Variants in USH2A observed in about 807,000 individuals in gnomAD.
USH2A encodes the protein Usher syndrome 2A (autosomal recessive, mild).
A neutral mutation model predicts 538.9 loss-of-function variants in USH2A; 443 were observed. The ratio of observed to expected loss-of-function variants is 0.82; its 90% CI spans 0.76 to 0.89. The LOEUF (loss-of-function observed/expected upper bound fraction) is 0.89. USH2A is among the 40% of genes least tolerant of loss of function. The probability of loss-of-function intolerance (pLI) is 0.00; values close to 1 mark genes in which losing one functional copy is unlikely to be tolerated. For missense variants in USH2A, 6,633 were observed against 6,324.8 expected (o/e 1.05, Z -1.65); for synonymous variants, 2,413 against 2,273.5 (o/e 1.06, Z -1.75).
intron 13 of USH2A, among the ~76,000 whole-genome samples, chr1:216,233,886 A>G (rs1181825418): frequency 6.6e-6 from 1 of 152,156 alleles, no homozygotes; most frequent in Non-Finnish European, 1.5e-5. Flanking sequence ...GTGTACATAT[A>G]CATATACACA....
chr1:216,166,286 A>C lies in USH2A; in HGVS notation c.4627+8966T>G, dbSNP rs76180807. On this transcript the variant is annotated intron_variant, in intron 21 of 71. Transcript: ENST00000307340. ...GGCAAAGGTATCAATATGTTCAAAGAGATGGGCATCTGAGAGAGTGTGCTA... is the reference window on the plus strand; with the variant it reads ...GGCAAAGGTATCAATATGTTCAAAGCGATGGGCATCTGAGAGAGTGTGCTA... 9.2e-3 allele frequency among the ~76,000 whole-genome samples: 1,393 copies of C among 152,212 alleles called. 23 individuals are homozygous for C. The highest frequency in any genetic ancestry group is 0.03 in the African/African-American group (1,247 of 41,534).
chr1:215,979,310 G>A (rs1445485818), intron 35 of USH2A, among the ~76,000 whole-genome samples: 1 of 152,006 alleles, frequency 6.6e-6, no homozygotes, highest in Admixed American at 6.6e-5. Context: ...ATTTGGGTGG[G>A]GACACAGAGC....
chr1:215,887,102 C>G (rs2102458799), intron 41 of USH2A, among the ~76,000 whole-genome samples: 1 of 152,294 alleles, frequency 6.6e-6, no homozygotes, highest in Non-Finnish European at 1.5e-5. Flanking sequence ...CATGATCTGC[C>G]TGCCTCGGCC....
chr1:215,898,013 T>A (rs1665395474), intron 40 of USH2A, among the ~76,000 whole-genome samples: 1 of 152,156 alleles, frequency 6.6e-6, no homozygotes, highest in African/African-American at 2.4e-5. Flanking sequence ...AGAGATGGCA[T>A]CCATCTCCAC....
chr1:215,660,328 C>A (rs865880413), intron 64 of USH2A, among the ~76,000 whole-genome samples: 2 of 151,988 alleles, frequency 1.3e-5, no homozygotes, highest in Non-Finnish European at 1.5e-5. Context: ...ACACAGCAAA[C>A]CCTAAATAAA....
chr1:216,254,899 C>T (rs750328475), intron 11 of USH2A, among the ~76,000 whole-genome samples: 23 of 152,140 alleles, frequency 1.5e-4, no homozygotes, highest in East Asian at 5.8e-4. Flanking sequence ...AAACAGCAAA[C>T]GTTAATAGAT....
intron 58 of USH2A, among the ~76,000 whole-genome samples, chr1:215,747,599 G>T (rs554166720): frequency 6.6e-6 from 1 of 152,156 alleles, no homozygotes; most frequent in Non-Finnish European, 1.5e-5. Context: ...AATATAATCA[G>T]GTTTCTTCTT....
intron 4 of USH2A, among the ~76,000 whole-genome samples, chr1:216,336,065 A>G (rs1017347214): frequency 6.6e-6 from 1 of 151,560 alleles, no homozygotes; most frequent in African/African-American, 2.4e-5. Context: ...AAAGGATCAT[A>G]CATCATGAGC....
chr1:215,747,886 G>A (rs61828198), intron 58 of USH2A, among the ~76,000 whole-genome samples: 10 of 94,114 alleles, frequency 1.1e-4, no homozygotes, highest in African/African-American at 3.9e-4. Flanking sequence ...TTGTTTGTTT[G>A]TTTGGTTTTT....
At chr1:215,825,170 C>T (rs981393391) in intron 47 of USH2A, among the ~76,000 whole-genome samples, 1 of 152,090 alleles carries the variant, frequency 6.6e-6, no homozygotes, top group Non-Finnish European at 1.5e-5. Context: ...TATTTTATTA[C>T]TGTTACTACT....
chr1:216,261,770 C>A (rs1219819824), intron 11 of USH2A, among the ~76,000 whole-genome samples: 9 of 152,046 alleles, frequency 5.9e-5, no homozygotes, highest in Non-Finnish European at 1.3e-4. Flanking sequence ...AACACTCATG[C>A]CCCCGGCCTG....
intron 35 of USH2A, among the ~76,000 whole-genome samples, chr1:215,973,086 A>C (rs2102460297): frequency 6.6e-6 from 1 of 152,304 alleles, no homozygotes; most frequent in Admixed American, 6.5e-5. Flanking sequence ...AAAAAATCTT[A>C]TGTACAAATA....
intron 46 of USH2A, among the ~76,000 whole-genome samples, chr1:215,840,426 CAA>C (rs957720426): frequency 6.6e-6 from 1 of 151,994 alleles, no homozygotes; most frequent in Non-Finnish European, 1.5e-5. Context: ...AAAAGCTTCA[CAA>C]AAAATATAGT....
chr1:216,411,990 A>T (rs1304553000), intron 3 of USH2A, among the ~76,000 whole-genome samples: 4 of 152,146 alleles, frequency 2.6e-5, no homozygotes, highest in African/African-American at 9.7e-5. Context: ...ACTTACCACA[A>T]TTATAATTTT....
chr1:216,289,628 T>C (rs184963652), intron 10 of USH2A, among the ~76,000 whole-genome samples: 314 of 152,282 alleles, frequency 2.1e-3, no homozygotes, highest in Non-Finnish European at 3.7e-3. Flanking sequence ...CTCCCATCTG[T>C]TATATAATAC....
At chr1:216,416,247 C>T (rs549561590) in intron 3 of USH2A, among the ~76,000 whole-genome samples, 7 of 152,038 alleles carry the variant, frequency 4.6e-5, no homozygotes, top group African/African-American at 2.4e-5. Flanking sequence ...TATAAAGGAA[C>T]CTTATATAGA....
rs564891647 is a variant in USH2A, at chr1:215,712,745, T to C, written c.12066+15285A>G. Among the ~76,000 whole-genome samples the C allele has an allele frequency of 3.9e-5, 6 of 152,298 alleles. No individual in the cohort carries two copies. In the East Asian group the frequency reaches 1.2e-3, roughly 29 times the overall value. On this transcript the variant is annotated intron_variant, in intron 61 of 71. Transcript: ENST00000307340. ...CTTTTGGGAAAGGGGTATTAGGGAA[T>C]GCAGGGGAAACAAGAAAATATAATA... is the stretch of plus-strand genomic sequence containing the variant.
intron 4 of USH2A, among the ~76,000 whole-genome samples, chr1:216,351,416 C>G (rs1008346045): frequency 2.0e-5 from 3 of 152,106 alleles, no homozygotes; most frequent in Non-Finnish European, 2.9e-5. Flanking sequence ...GTTGAAAGAA[C>G]AGCGAATGGT....
intron 50 of USH2A, among the ~76,000 whole-genome samples, chr1:215,792,953 C>G (rs576737956): frequency 4.1e-4 from 63 of 152,212 alleles, no homozygotes; most frequent in African/African-American, 1.5e-3. Flanking sequence ...TAAAGTGGTA[C>G]AGTACACATT....
Sources: gnomAD v4.1 joint callset for allele counts (sites outside exome capture counted in the v4.1 genomes callset) on GRCh38, gnomAD v4.1.1 for gene constraint, MANE v1.5 for transcripts, NCBI Gene and HGNC (gene_info 2026-07-23, HGNC 2026-07-21) for gene names.